Variants in LRMDA observed in about 807,000 individuals in gnomAD.
LRMDA encodes leucine rich melanocyte differentiation associated.
LRMDA carries 18 observed loss-of-function variants against 29.8 expected under a neutral mutation model. The observed-to-expected ratio is 0.60, with a 90% CI of 0.42 to 0.90. The LOEUF is 0.90. Among genes scored for constraint, LRMDA ranks in the 40% least tolerant of loss-of-function variants. The pLI, the probability that LRMDA is intolerant of heterozygous loss-of-function variation, is 0.00. For synonymous variants in LRMDA, 125 were observed against 109.4 expected, an observed-to-expected ratio of 1.14 and a Z score of -0.89; for missense variants, 273 against 273.9, an observed-to-expected ratio of 1.00 and a Z score of 0.02.
At chr10:76,129,464 C>A (rs1849946594) in intron 5 of LRMDA, among the ~76,000 whole-genome samples, 1 of 152,190 alleles carries the variant, frequency 6.6e-6, no homozygotes, top group Admixed American at 6.5e-5. Context: ...CTGAAATAGA[C>A]CTTTAGTGTG....
chr10:76,285,865 G>A (rs1840264675), intron 5 of LRMDA, among the ~76,000 whole-genome samples: 1 of 152,172 alleles, frequency 6.6e-6, no homozygotes, highest in Admixed American at 6.5e-5. Context: ...GCATTTTAAA[G>A]TTCTCCCCAG....
chr10:76,410,459 C>T (rs180888580), intron 6 of LRMDA, among the ~76,000 whole-genome samples: 75 of 151,854 alleles, frequency 4.9e-4, no homozygotes, highest in African/African-American at 1.7e-3. Context: ...TAGGCACATA[C>T]CAACATGCCT....
intron 6 of LRMDA, among the ~76,000 whole-genome samples, chr10:76,345,288 G>C (rs11001740): frequency 0.1 from 15,184 of 148,844 alleles, 876 homozygotes; most frequent in East Asian, 0.31. Context: ...TAGCCAGGAT[G>C]GTCTCGATCT....
At chr10:76,535,307 G>A (rs995074529) in intron 6 of LRMDA, among the ~76,000 whole-genome samples, 1 of 152,186 alleles carries the variant, frequency 6.6e-6, no homozygotes, top group Non-Finnish European at 1.5e-5. Context: ...CTCTTGAGGG[G>A]GTTGGAAGAA....
intron 6 of LRMDA, among the ~76,000 whole-genome samples, chr10:76,490,991 A>G (rs181168463): frequency 2.6e-4 from 39 of 152,110 alleles, no homozygotes; most frequent in African/African-American, 8.4e-4. Flanking sequence ...ATAATATCTT[A>G]TAACTCATCA....
At chr10:75,841,907 G>A (rs978241534) in intron 2 of LRMDA, among the ~76,000 whole-genome samples, 2 of 152,150 alleles carry the variant, frequency 1.3e-5, no homozygotes, top group African/African-American at 4.8e-5. Flanking sequence ...GGGTTTGGAG[G>A]CTTGGAGTCT....
chr10:75,806,530 C>A (rs772285418), intron 2 of LRMDA, among the ~76,000 whole-genome samples: 13 of 152,004 alleles, frequency 8.6e-5, no homozygotes, highest in Non-Finnish European at 1.3e-4. Context: ...CTAAACATGT[C>A]TCTGTGAAGA....
At chr10:76,528,068 C>T (rs1319219727) in intron 6 of LRMDA, among the ~76,000 whole-genome samples, 1 of 151,558 alleles carries the variant, frequency 6.6e-6, no homozygotes, top group African/African-American at 2.4e-5. Flanking sequence ...AATAGGCATG[C>T]CTGGTGCTAT....
At chr10:75,709,779 C>G (rs1255194435) in intron 2 of LRMDA, among the ~76,000 whole-genome samples, 1 of 152,140 alleles carries the variant, frequency 6.6e-6, no homozygotes, top group East Asian at 1.9e-4. Flanking sequence ...AAGAGATGCT[C>G]TGCAGTTGGA....
intron 2 of LRMDA, among the ~76,000 whole-genome samples, chr10:75,754,595 G>A (rs915440597): frequency 1.3e-5 from 2 of 152,232 alleles, no homozygotes; most frequent in Middle Eastern, 3.4e-3. Context: ...ACAGTTGCTG[G>A]TATTAGTTCA....
intron 2 of LRMDA, among the ~76,000 whole-genome samples, chr10:75,506,493 GGT>G (rs1182177174): frequency 6.6e-6 from 1 of 150,712 alleles, no homozygotes; most frequent in Non-Finnish European, 1.5e-5. Context: ...GTTTTTTTTT[GGT>G]GTCTTATAGC....
intron 2 of LRMDA, among the ~76,000 whole-genome samples, chr10:75,482,129 C>A (rs1461752210): frequency 6.6e-6 from 1 of 152,178 alleles, no homozygotes; most frequent in African/African-American, 2.4e-5. Flanking sequence ...AGAGTGTATA[C>A]TCCTGACCAC....
At chr10:76,488,664 C>G (rs1842805456) in intron 6 of LRMDA, among the ~76,000 whole-genome samples, 1 of 151,810 alleles carries the variant, frequency 6.6e-6, no homozygotes, top group African/African-American at 2.4e-5. Flanking sequence ...TTACATTTAA[C>G]TTTTTAAGAA....
At chr10:75,957,276 A>T (rs1259520240) in intron 2 of LRMDA, among the ~76,000 whole-genome samples, 3 of 152,246 alleles carry the variant, frequency 2.0e-5, no homozygotes, top group Non-Finnish European at 2.9e-5. Context: ...TTCATCTGCC[A>T]TGTGGTCTTT....
intron 6 of LRMDA, among the ~76,000 whole-genome samples, chr10:76,445,211 A>G (rs1402375658): frequency 6.6e-6 from 1 of 152,150 alleles, no homozygotes; most frequent in African/African-American, 2.4e-5. Flanking sequence ...TGTGAATAAT[A>G]AAGAACAGAA....
intron 6 of LRMDA, among the ~76,000 whole-genome samples, chr10:76,522,069 A>G (rs1290518551): frequency 6.6e-6 from 1 of 152,176 alleles, no homozygotes; most frequent in Non-Finnish European, 1.5e-5. Flanking sequence ...CCAAAAATAA[A>G]CCCTTACCCA....
At chr10:76,514,894 C>T (rs1037050520) in intron 6 of LRMDA, among the ~76,000 whole-genome samples, 2 of 152,152 alleles carry the variant, frequency 1.3e-5, no homozygotes, top group Non-Finnish European at 1.5e-5. Flanking sequence ...TGTTCAAGTA[C>T]AATTGGTACT....
chr10:76,444,650 C>T (rs1842335627), intron 6 of LRMDA, among the ~76,000 whole-genome samples: 1 of 152,166 alleles, frequency 6.6e-6, no homozygotes, highest in African/African-American at 2.4e-5. Context: ...TTGCTCTCAA[C>T]TCAGAACTCA....
intron 2 of LRMDA, among the ~76,000 whole-genome samples, chr10:75,606,708 T>A (rs1046972330): frequency 6.6e-5 from 10 of 152,320 alleles, no homozygotes; most frequent in African/African-American, 2.2e-4. Flanking sequence ...TCGATTGGCA[T>A]GTCTCTTTAT....
Sources: gnomAD v4.1 joint callset for allele counts (sites outside exome capture counted in the v4.1 genomes callset) on GRCh38, gnomAD v4.1.1 for gene constraint, MANE v1.5 for transcripts, NCBI Gene and HGNC (gene_info 2026-07-23, HGNC 2026-07-21) for gene names.